SRBD1: variants seen among roughly 807,000 people sequenced by gnomAD.
The protein encoded by SRBD1 is S1 RNA-binding domain-containing protein 1.
SRBD1 carries 88 observed loss-of-function variants against 115.3 expected under a neutral mutation model. The ratio of observed to expected loss-of-function variants is 0.76; its 90% confidence interval spans 0.64 to 0.91. SRBD1 has a LOEUF of 0.91. SRBD1 is among the 40% of genes least tolerant of loss of function. The pLI is 0.00. For synonymous variants in SRBD1, 509 were observed against 407.7 expected, an observed-to-expected ratio of 1.25 and a Z score of -2.99; for missense variants, 1,385 against 1,177.4, an observed-to-expected ratio of 1.18 and a Z score of -2.58.
intron 16 of SRBD1, among the ~76,000 whole-genome samples, chr2:45,451,305 T>A (rs566294721): frequency 4.6e-5 from 7 of 152,234 alleles, no homozygotes; most frequent in African/African-American, 1.7e-4. Flanking sequence ...TAGATGATGG[T>A]ATCCCCTAAC....
chr2:45,562,362 G>T (rs572663117), intron 10 of SRBD1, among the ~76,000 whole-genome samples: 1 of 152,082 alleles, frequency 6.6e-6, no homozygotes, highest in East Asian at 1.9e-4. Flanking sequence ...AAGTAGCGGG[G>T]ATTACAGGTG....
intron 14 of SRBD1, among the ~76,000 whole-genome samples, chr2:45,516,349 C>G (rs533983420): frequency 1.1e-4 from 17 of 152,260 alleles, no homozygotes; most frequent in East Asian, 9.6e-4. Context: ...CCCCTGCCCC[C>G]ACAAAAATCC....
chr2:45,503,645 G>T (rs925489163), intron 14 of SRBD1, among the ~76,000 whole-genome samples: 12 of 152,150 alleles, frequency 7.9e-5, no homozygotes, highest in African/African-American at 2.7e-4. Flanking sequence ...AAAGACGGCA[G>T]CTAAAGTTCA....
chr2:45,400,438 C>T (rs928265979), intron 19 of SRBD1, among the ~76,000 whole-genome samples: 1 of 152,080 alleles, frequency 6.6e-6, no homozygotes, highest in Admixed American at 6.6e-5. Context: ...CCCTCACACT[C>T]CTCCTTCATT....
intron 2 of SRBD1, among the ~76,000 whole-genome samples, chr2:45,604,503 A>C (rs1674204164): frequency 6.6e-6 from 1 of 152,080 alleles, no homozygotes; most frequent in Non-Finnish European, 1.5e-5. Context: ...TTAGATCCAG[A>C]TCCTACTCAT....
chr2:45,400,258 A>G (rs1667257150), intron 19 of SRBD1, among the ~76,000 whole-genome samples: 1 of 152,164 alleles, frequency 6.6e-6, no homozygotes, highest in African/African-American at 2.4e-5. Context: ...GGCTGGGGGC[A>G]GGAAGGGCAG....
intron 14 of SRBD1, among the ~76,000 whole-genome samples, chr2:45,531,299 A>G (rs1671604079): frequency 6.6e-6 from 1 of 151,922 alleles, no homozygotes; most frequent in African/African-American, 2.4e-5. Context: ...TAAGCAGGTA[A>G]GTGAAAACAA....
chr2:45,530,192 C>A (rs1473801187), intron 14 of SRBD1, among the ~76,000 whole-genome samples: 1 of 151,920 alleles, frequency 6.6e-6, no homozygotes, highest in Non-Finnish European at 1.5e-5. Context: ...AAGAATCAGT[C>A]AAAAATATAC....
intron 18 of SRBD1, among the ~76,000 whole-genome samples, chr2:45,415,349 T>C (rs527360704): frequency 2.9e-5 from 2 of 67,848 alleles, no homozygotes; most frequent in Non-Finnish European, 5.0e-5. Context: ...TACACACATA[T>C]AGTGTGTATA....
chr2:45,555,776 G>C (rs1449349914), intron 10 of SRBD1, among the ~76,000 whole-genome samples: 1 of 152,054 alleles, frequency 6.6e-6, no homozygotes, highest in Non-Finnish European at 1.5e-5. Flanking sequence ...GCAGGCGTGA[G>C]CTACCTCGCC....
At chr2:45,437,301 T>C (rs533382832) in intron 16 of SRBD1, among the ~76,000 whole-genome samples, 6 of 148,324 alleles carry the variant, frequency 4.0e-5, no homozygotes, top group African/African-American at 1.5e-4. Context: ...TGACACTATC[T>C]AACTTTTAAG....
At chr2:45,557,209 G>A (rs1672507520) in intron 10 of SRBD1, among the ~76,000 whole-genome samples, 1 of 152,118 alleles carries the variant, frequency 6.6e-6, no homozygotes, top group African/African-American at 2.4e-5. Context: ...GATCATAAAG[G>A]GTCTTATACA....
At chr2:45,522,514 A>T (rs1029820665) in intron 14 of SRBD1, among the ~76,000 whole-genome samples, 3 of 152,208 alleles carry the variant, frequency 2.0e-5, no homozygotes, top group African/African-American at 7.2e-5. Context: ...TACTCAAAGG[A>T]AAGCTCACTG....
intron 16 of SRBD1, among the ~76,000 whole-genome samples, chr2:45,430,930 A>G (rs1251582585): frequency 6.6e-6 from 1 of 152,216 alleles, no homozygotes; most frequent in Non-Finnish European, 1.5e-5. Flanking sequence ...TCTACAACGA[A>G]CTTAAACAAA....
rs1241569485 is a variant in SRBD1 at position 45,392,987 on chromosome 2, T to C, written c.2656A>G (p.Ile886Val). The C allele has an allele frequency of 6.2e-7, 1 of 1,613,496 alleles. No homozygotes were observed. Among genetic ancestry groups the C allele is most frequent in the Non-Finnish European group, 8.5e-7 (1 of 1,179,652 alleles). Residue 886 changes from isoleucine (I) to valine (V), a missense_variant, in exon 20 of 21, where the codon ATA (isoleucine) becomes GTA (valine). Ile to Val is a conservative substitution (Grantham distance 29). Transcript: ENST00000263736. The part of the protein sequence containing the change: ...QTTVHTLQVI[I>V]DGLSQPESFD... ...CTTTCAGGCTGGCTGAGACCATCTATGATGACCTGTAAGGTGTGTACTGTT... is the reference window on the plus strand; with the variant it reads ...CTTTCAGGCTGGCTGAGACCATCTACGATGACCTGTAAGGTGTGTACTGTT...
intron 14 of SRBD1, among the ~76,000 whole-genome samples, chr2:45,528,418 C>G (rs1268949901): frequency 6.6e-6 from 1 of 151,708 alleles, no homozygotes; most frequent in Non-Finnish European, 1.5e-5. Flanking sequence ...GGGTATATGA[C>G]AGAATAAGAA....
chr2:45,594,014 C>CA (rs946290691), intron 4 of SRBD1, among the ~76,000 whole-genome samples: 2 of 151,874 alleles, frequency 1.3e-5, no homozygotes, highest in African/African-American at 4.8e-5. Flanking sequence ...TGTTATACTT[C>CA]AAAAAAAGGT....
chr2:45,562,418 G>A (rs755504570), intron 10 of SRBD1, among the ~76,000 whole-genome samples: 28 of 152,204 alleles, frequency 1.8e-4, no homozygotes, highest in Admixed American at 5.9e-4. Context: ...ATTTTCAGTA[G>A]AGACAGGGTT....
chr2:45,539,780 T>A (rs551996302), intron 14 of SRBD1, among the ~76,000 whole-genome samples: 1 of 151,260 alleles, frequency 6.6e-6, no homozygotes, highest in South Asian at 2.1e-4. Context: ...CCTAAATGAA[T>A]TCCCACAAAG....
Sources: gnomAD v4.1 joint callset for allele counts (sites outside exome capture counted in the v4.1 genomes callset) on GRCh38, gnomAD v4.1.1 for gene constraint, MANE v1.5 for transcripts, NCBI Gene and HGNC (gene_info 2026-07-23, HGNC 2026-07-21) for gene names.